Variants in ZNF611 observed in about 807,000 individuals in gnomAD.
ZNF611 encodes zinc finger protein 611.
A neutral mutation model predicts 8.9 loss-of-function variants in ZNF611; 6 were observed. That is an observed-to-expected ratio of 0.68 (90% CI 0.37 to 1.34). The LOEUF (loss-of-function observed/expected upper bound fraction) is 1.34, where lower values mean the gene tolerates loss of function less well. Ranked by LOEUF, ZNF611 falls within the 40% of genes most tolerant of loss-of-function variation. The pLI is 0.02. For synonymous variants in ZNF611, 262 were observed against 279.7 expected (o/e 0.94, Z 0.63); for missense variants, 874 against 841.3 (o/e 1.04, Z -0.48).
rs369493487 is a variant in ZNF611 at position 52,705,777 on chromosome 19, A to C, written c.1278T>G (p.Tyr426Ter). ...AGGTCTTGCCACACTCATTACATTTATAAGTTTTCTTTGCAGTATGAATTC... is the reference window on the plus strand; with the variant it reads ...AGGTCTTGCCACACTCATTACATTTCTAAGTTTTCTTTGCAGTATGAATTC... ...HRRIHTAKKT[Y>*]KCNECGKTFS... is the part of the protein sequence containing the mutation. Residue 426 changes from tyrosine to a stop codon, truncating the protein, a stop_gained, in exon 6 of 6, where the codon TAT becomes TAG. Transcript: ENST00000652185. LOFTEE classifies it low-confidence loss of function (END_TRUNC). The C allele has an allele frequency of 3.1e-6, 5 of 1,611,640 alleles. No homozygotes were observed. Among genetic ancestry groups the C allele is most frequent in the Non-Finnish European group, 4.2e-6 (5 of 1,179,232 alleles).
At chr19:52,711,183 C>G (rs1006775545) in intron 5 of ZNF611, 3 of 151,446 alleles carry the variant, frequency 2.0e-5, no homozygotes, top group African/African-American at 7.3e-5. Flanking sequence ...AAATACAAAA[C>G]TTGCCAGGCG....
intron 3 of ZNF611, among the ~76,000 whole-genome samples, chr19:52,717,521 TGAG>T (rs2062325912): frequency 6.6e-6 from 1 of 152,060 alleles, no homozygotes; most frequent in Non-Finnish European, 1.5e-5. Flanking sequence ...AAGTAGGAGA[TGAG>T]GAGAAAAATG....
Position 52,706,086 on chromosome 19 carries a change from G to C in ZNF611, c.969C>G (p.Ile323Met), listed in dbSNP as rs769483382. 6.2e-7 allele frequency: 1 copy of C among 1,613,880 alleles called. No homozygotes were observed. Among genetic ancestry groups the C allele is most frequent in the African/African-American group, 1.3e-5 (1 of 74,870 alleles). The change falls in exon 6 of 6, where the codon ATC (isoleucine) becomes ATG (methionine). Residue 323 changes from isoleucine (I) to methionine (M), a missense_variant. Coordinates refer to ENST00000652185, the MANE Select transcript of ZNF611 (RefSeq NM_001161499.2). ...KRYNCNECGK[I>M]FGQNSALLID... ...TTAGAAGGGCTGAATTTTGACCAAA[G>C]ATCTTGCCACACTCATTACAATTGT... is the stretch of plus-strand genomic sequence containing the variant.
In ZNF611 at chr19:52,705,481, A is replaced by G; in HGVS notation, c.1574T>C (p.Leu525Pro). The G allele has an allele frequency of 6.2e-7, 1 of 1,614,150 alleles. No homozygotes were observed. The highest frequency in any genetic ancestry group is 8.5e-7 in the Non-Finnish European group (1 of 1,180,026). ...CEKVFSRKSSLETHKIGHTGE... is the reference protein window; with the variant it reads ...CEKVFSRKSSPETHKIGHTGE... ...AGTATGACCTATCTTATGTGTCTCA[A>G]GGCTTGATTTACGACTGAAAACCTT... is the stretch of plus-strand genomic sequence containing the variant. Residue 525 changes from leucine (L) to proline (P), a missense_variant, in exon 6 of 6, where the codon CTT becomes CCT. Transcript: ENST00000652185.
In ZNF611 at chr19:52,706,464, G is replaced by GGA. The variant is rs2062245912; in HGVS notation, c.589_590dup (p.Cys198ProfsTer17). On this transcript the variant is annotated frameshift_variant, in exon 6 of 6. Transcript: ENST00000652185. LOFTEE classifies it low-confidence loss of function (END_TRUNC). ...TAGAAATCTGGGTTTGGGGCCTACA[G>GGA]GAAATTCTTTGGAATGTTGAAACTG... 6.2e-7 allele frequency: 1 copy of GGA among 1,614,122 alleles called. No individual in the cohort carries two copies. The highest frequency in any genetic ancestry group is 2.2e-5 in the East Asian group (1 of 44,874).
chr19:52,714,796 G>A (rs1037487519), intron 4 of ZNF611, among the ~76,000 whole-genome samples: 5 of 150,028 alleles, frequency 3.3e-5, no homozygotes, highest in Admixed American at 6.7e-5. Flanking sequence ...TCAAGAGATT[G>A]AGACCATCCT....
At chr19:52,730,973 T>C (rs1032008917) in intron 1 of ZNF611, among the ~76,000 whole-genome samples, 4 of 152,028 alleles carry the variant, frequency 2.6e-5, no homozygotes, top group African/African-American at 7.3e-5. Flanking sequence ...TCACGCTCTA[T>C]CACTCAGGCT....
chr19:52,706,192 T>C lies in ZNF611; in HGVS notation c.863A>G (p.Lys288Arg), dbSNP rs372199502. ...GAAGGTCTTGCCACACTCTTTACAC[T>C]TGTAAGGTTTCTCAACAGTGTGACA... Reference protein sequence around the residue: ...DRCHTVEKPYKCKECGKTFSQ... With the variant: ...DRCHTVEKPYRCKECGKTFSQ... Residue 288 changes from lysine to arginine, a missense_variant, in exon 6 of 6, where the codon AAG becomes AGG. By Grantham distance (26) the Lys-to-Arg change is conservative. Transcript: ENST00000652185. The C allele has an allele frequency of 1.1e-5, 18 of 1,614,090 alleles. No homozygotes were observed. The highest frequency in any genetic ancestry group is 1.5e-5 in the Non-Finnish European group (18 of 1,180,018).
chr19:52,713,108 G>A (rs1459090818), intron 5 of ZNF611, among the ~76,000 whole-genome samples: 2 of 151,970 alleles, frequency 1.3e-5, no homozygotes, highest in Non-Finnish European at 2.9e-5. Flanking sequence ...AGGCAGGAGA[G>A]TCGCTTGAAC....
chr19:52,704,824 C>T lies in ZNF611; in HGVS notation c.*113G>A. 2 of 1,602,800 alleles carry T rather than the reference C, an allele frequency of 1.2e-6. No homozygotes were observed. The highest frequency in any genetic ancestry group is 2.2e-5 in the South Asian group (2 of 90,510). On this transcript the variant is annotated 3_prime_UTR_variant, in exon 6 of 6. Coordinates refer to ENST00000652185, the MANE Select transcript of ZNF611 (RefSeq NM_001161499.2). The stretch of plus-strand genomic sequence containing the variant: ...AGTATGTTGTTCCAGGTGTGAATCA[C>T]TCCCAAGTCTTGTCAGAAACCTTAC...
intron 3 of ZNF611, among the ~76,000 whole-genome samples, chr19:52,727,763 T>C (rs1025484050): frequency 1.3e-5 from 2 of 152,156 alleles, no homozygotes; most frequent in African/African-American, 4.8e-5. Context: ...TGCACCTGCA[T>C]TCCGCTAGAC....
At position 52,717,401 on chromosome 19, in the gene ZNF611, G is replaced by C. The variant is rs369469620; in HGVS notation, c.-19-1488C>G. 2.3e-3 allele frequency among the ~76,000 whole-genome samples: 344 copies of C among 152,290 alleles called. 1 individual carries two copies. The highest frequency in any genetic ancestry group is 6.4e-3 in the African/African-American group (265 of 41,564). ...GTCACTTGCAGCTGAGGGGAAGAGAGTCCTAGGCAGAGGGACAGCTCAAGT... is the reference window on the plus strand; with the variant it reads ...GTCACTTGCAGCTGAGGGGAAGAGACTCCTAGGCAGAGGGACAGCTCAAGT... On this transcript the variant is annotated intron_variant, in intron 3 of 5. Coordinates refer to ENST00000652185, the MANE Select transcript of ZNF611 (RefSeq NM_001161499.2).
At chr19:52,734,371 C>T (rs1301884786) in intron 1 of ZNF611, among the ~76,000 whole-genome samples, 1 of 152,122 alleles carries the variant, frequency 6.6e-6, no homozygotes, top group Non-Finnish European at 1.5e-5. Context: ...ACGCCTGCAT[C>T]CCGGAGGAGC....
intron 1 of ZNF611, among the ~76,000 whole-genome samples, chr19:52,732,478 A>T (rs71361203): frequency 3.2e-4 from 16 of 50,480 alleles, no homozygotes; most frequent in African/African-American, 9.8e-4. Flanking sequence ...TGAGTTATTC[A>T]GAATAACTCA....
intron 3 of ZNF611, among the ~76,000 whole-genome samples, chr19:52,716,923 C>T (rs2062321147): frequency 6.6e-6 from 1 of 151,990 alleles, no homozygotes; most frequent in South Asian, 2.1e-4. Flanking sequence ...CGGGCATCTA[C>T]TTGGGAAGCT....
rs1263626013 is a variant in ZNF611, at chr19:52,703,200, A to G, written c.*1737T>C. On this transcript the variant is annotated 3_prime_UTR_variant, in exon 6 of 6. Transcript: ENST00000652185. ...TAAATAAATAAATAAATAAAAAATA[A>G]AGAGAGAAATGAAGAGGAACCAGAA... 6.6e-6 allele frequency: 1 copy of G among 152,116 alleles called. No homozygotes were observed. The highest frequency in any genetic ancestry group is 2.4e-5 in the African/African-American group (1 of 41,438). The allele number at this position is 152,116 out of a possible 1,614,324, so 9.4% of individuals were successfully genotyped here. A position where few individuals can be genotyped will look rare whatever the true frequency, so the allele number is the denominator to read the frequency against.
intron 3 of ZNF611, chr19:52,717,609 G>A (rs774776820): frequency 1.2e-4 from 103 of 857,102 alleles, no homozygotes; most frequent in Non-Finnish European, 1.4e-4. Flanking sequence ...TGTAGAAATG[G>A]GATCTGAGCA....
intron 3 of ZNF611, chr19:52,717,591 G>A (rs1386041542): frequency 1.4e-6 from 1 of 733,710 alleles, no homozygotes; most frequent in African/African-American, 1.9e-5. Context: ...CACTGAAAAA[G>A]AGGCAGCTGT....
intron 1 of ZNF611, among the ~76,000 whole-genome samples, chr19:52,733,364 G>A (rs1409509083): frequency 2.0e-5 from 3 of 152,086 alleles, no homozygotes; most frequent in African/African-American, 7.2e-5. Flanking sequence ...GTAGTCACAT[G>A]ATCTCAGCTC....
Sources: allele counts gnomAD v4.1 joint callset (sites outside exome capture counted in the v4.1 genomes callset), GRCh38; gene constraint gnomAD v4.1.1; transcripts MANE v1.5; gene names NCBI Gene and HGNC (gene_info 2026-07-23, HGNC 2026-07-21).